Variants in HOXB2 observed in about 807,000 individuals in gnomAD.
The protein encoded by HOXB2 is homeobox B2.
In HOXB2, 14 loss-of-function variants were observed where a neutral mutation model predicts 13.1. The ratio of observed to expected loss-of-function variants is 1.07; its 90% CI spans 0.71 to 1.67. The LOEUF is 1.67. Ranked by LOEUF, HOXB2 falls within the 40% of genes most tolerant of loss-of-function variation. The pLI, the probability that HOXB2 is intolerant of heterozygous loss-of-function variation, is 0.00. For synonymous variants in HOXB2, 261 were observed against 233.1 expected (o/e 1.12, Z -1.09); for missense variants, 582 against 488.3 (o/e 1.19, Z -1.81).
rs372332769 is a variant in HOXB2 at position 48,543,766 on chromosome 17, C to T, written c.392-19G>A. ...AGGCCATCTGCAGGGAAAACAGGCT[C>T]GGCGTCATAGCGGGCCGTGTACTCA... On this transcript the variant is annotated intron_variant, in intron 1 of 1. Coordinates refer to ENST00000330070, the MANE Select transcript of HOXB2 (RefSeq NM_002145.4). The T allele has an allele frequency of 3.2e-6, 5 of 1,573,528 alleles. No homozygotes were observed. The African/African-American group carries it at 5.4e-5, about 17-fold the overall frequency.
chr17:48,544,935 G>GGGGGGC lies in HOXB2; in HGVS notation c.-25_-24insGCCCCC. On this transcript the variant is annotated 5_prime_UTR_variant, in exon 1 of 2. Transcript: ENST00000330070. Reference sequence around the variant, plus strand: ...ATGGCTTTCAATGGTGGGGGAGGGGGCTGCTGGGGGGGGCGTCAGGAGGGA... The same window carrying GGGGGGC: ...ATGGCTTTCAATGGTGGGGGAGGGGGGGGGGCCTGCTGGGGGGGGCGTCAGGAGGGA... 1 of 1,261,542 alleles carries GGGGGGC rather than the reference G, an allele frequency of 7.9e-7. No individual in the cohort carries two copies. The allele number at this position is 1,261,542 out of a possible 1,614,324, so 78.1% of individuals were successfully genotyped here.
At chr17:48,544,358 G>A (rs1357636051) in intron 1 of HOXB2, 163 bp downstream of exon 1, 3 of 1,409,572 alleles carry the variant, frequency 2.1e-6, no homozygotes, top group Non-Finnish European at 2.8e-6. Flanking sequence ...GCTGTTAGCG[G>A]CCAGGCCTGA....
chr17:48,544,327 GAGACAGAAAAAAAA>G, intron 1 of HOXB2, 180 bp downstream of exon 1: 1 of 1,344,202 alleles, frequency 7.4e-7, no homozygotes, highest in South Asian at 1.7e-5. Context: ...AAGAGAGAGA[GAGACAGAAAAAAAA>G]AAAGACGCTG....
rs2068527455 is a variant in HOXB2, at chr17:48,543,529, G to GCTGC, written c.606_609dup (p.His204AlafsTer123). ...GGCTCCCCATCCGGCGGCTCTCGGT[G>GCTGC]CTGCGTCTGCCGCTTGTGCTTCATG... On this transcript the variant is annotated frameshift_variant, in exon 2 of 2. Coordinates refer to ENST00000330070, the MANE Select transcript of HOXB2 (RefSeq NM_002145.4). LOFTEE classifies it low-confidence loss of function (END_TRUNC). 2 of 1,612,914 alleles carry GCTGC rather than the reference G, an allele frequency of 1.2e-6. No individual in the cohort carries two copies. Among genetic ancestry groups the GCTGC allele is most frequent in the African/African-American group, 2.7e-5 (2 of 75,040 alleles).
chr17:48,543,273 G>A lies in HOXB2; in HGVS notation c.866C>T (p.Pro289Leu). ...CCCCGAGAAGACGTCTTCTGGCAAT[G>A]GCCCGGGCTCCAGCCCGCCGGCCCC... ...LRGAGGLEPGPLPEDVFSGRQ... is the reference protein window; with the variant it reads ...LRGAGGLEPGLLPEDVFSGRQ... Residue 289 changes from proline to leucine, a missense_variant, in exon 2 of 2, where the codon CCA becomes CTA. By Grantham distance (98) the Pro-to-Leu change is moderately conservative. Transcript: ENST00000330070. 2 of 1,606,522 alleles carry A rather than the reference G, an allele frequency of 1.2e-6. No homozygotes were observed. Among genetic ancestry groups the A allele is most frequent in the South Asian group, 1.1e-5 (1 of 90,944 alleles).
intron 1 of HOXB2, chr17:48,544,120 C>G: frequency 1.0e-6 from 1 of 985,386 alleles, no homozygotes. Flanking sequence ...CTCTTCCTCC[C>G]TAGCTCTGAA....
chr17:48,545,101 A>C lies in HOXB2; in HGVS notation c.-190T>G. ...TGCTGATAAATACAAGCGTATGGGGACTCTCTCTATTAAACCCAGGACTCC... is the reference window on the plus strand; with the variant it reads ...TGCTGATAAATACAAGCGTATGGGGCCTCTCTCTATTAAACCCAGGACTCC... On this transcript the variant is annotated 5_prime_UTR_variant, in exon 1 of 2. Transcript: ENST00000330070. 1.9e-6 allele frequency: 1 copy of C among 512,856 alleles called. No individual in the cohort carries two copies. Among genetic ancestry groups the C allele is most frequent in the Non-Finnish European group, 3.4e-6 (1 of 297,544 alleles). 31.8% of individuals were successfully genotyped at this position (512,856 alleles called of 1,614,324 possible). A position where few individuals can be genotyped will look rare whatever the true frequency, so the allele number is the denominator to read the frequency against.
chr17:48,544,948 G>GGGGGGGGCC lies in HOXB2; in HGVS notation c.-38_-37insGGCCCCCCC. 9.5e-7 allele frequency: 1 copy of GGGGGGGGCC among 1,051,214 alleles called. No individual in the cohort carries two copies. The highest frequency in any genetic ancestry group is 1.3e-6 in the Non-Finnish European group (1 of 749,884). The allele number at this position is 1,051,214 out of a possible 1,614,324, so 65.1% of individuals were successfully genotyped here. A position where few individuals can be genotyped will look rare whatever the true frequency, so the allele number is the denominator to read the frequency against. ...GTGGGGGAGGGGGCTGCTGGGGGGG[G>GGGGGGGGCC]CGTCAGGAGGGAGGATCGGAAGGGA... On this transcript the variant is annotated 5_prime_UTR_variant, in exon 1 of 2. Transcript: ENST00000330070.
intron 1 of HOXB2, chr17:48,544,022 T>G (rs2144706011): frequency 1.9e-5 from 23 of 1,224,766 alleles, no homozygotes; most frequent in Non-Finnish European, 1.9e-5. Context: ...GAACCTCAGA[T>G]CCCCCTCCCA....
In HOXB2 at chr17:48,543,126, TC is replaced by T. The variant is rs746720698; in HGVS notation, c.1012del (p.Glu338ArgfsTer49). The T allele has an allele frequency of 6.2e-7, 1 of 1,612,654 alleles. No individual in the cohort carries two copies. The highest frequency in any genetic ancestry group is 1.3e-5 in the African/African-American group (1 of 74,756). ...GSLDSPVPFS[E>X]EELDFFTSTL... ...ACTGGTGAAAAAATCCAGCTCTTCC[TC>T]GGAAAAAGGGACCGGGCTGTCGAGA... On this transcript the variant is annotated frameshift_variant, in exon 2 of 2. Coordinates refer to ENST00000330070, the MANE Select transcript of HOXB2 (RefSeq NM_002145.4). LOFTEE classifies it high-confidence loss of function.
At chr17:48,544,477 C>T (rs774591388) in intron 1 of HOXB2, 44 bp downstream of exon 1, 2 of 1,542,536 alleles carry the variant, frequency 1.3e-6, no homozygotes, top group South Asian at 1.2e-5. Context: ...TTTTCTCCCC[C>T]TCTTCTAGCT....
chr17:48,543,905 T>G, intron 1 of HOXB2, 158 bp from the exon 2 acceptor site: 1 of 1,380,584 alleles, frequency 7.2e-7, no homozygotes, highest in East Asian at 2.8e-5. Flanking sequence ...GCTTTTGGGT[T>G]TTCTTCTCTC....
At position 48,544,686 on chromosome 17, in the gene HOXB2, G is replaced by A. The variant is rs755672028; in HGVS notation, c.226C>T (p.Pro76Ser). The change falls in exon 1 of 2, where the codon CCT becomes TCT. Residue 76 changes from proline (P) to serine (S), a missense_variant. Transcript: ENST00000330070. ...GGCGGCGGTGGCGGCGGCAGAGCAG[G>A]CCCATCTTCGGCTCGCTTTTGGCTC... ...PRSQKRAEDG[P>S]ALPPPPPPPL... is the part of the protein sequence containing the mutation. The A allele has an allele frequency of 2.5e-6, 4 of 1,613,396 alleles. No homozygotes were observed. The highest frequency in any genetic ancestry group is 2.7e-5 in the African/African-American group (2 of 74,900).
At chr17:48,543,897 T>C in intron 1 of HOXB2, 150 bp from the exon 2 acceptor site, 1 of 1,243,330 alleles carries the variant, frequency 8.0e-7, no homozygotes, top group South Asian at 1.7e-5. Context: ...GCTTTACTGC[T>C]TTTGGGTTTT....
In HOXB2 at chr17:48,544,722, G is replaced by T; in HGVS notation, c.190C>A (p.Gln64Lys). ...GCTCGCTTTTGGCTCCTGGGTCTCT[G>T]AAGGGTGGAGGCGCCGGGCTGGAGG... ...PSLQPGASTL[Q>K]RPRSQKRAED... The change falls in exon 1 of 2, where the codon CAG (glutamine) becomes AAG (lysine). Residue 64 changes from glutamine to lysine, a missense_variant. Physicochemically the swap from Gln to Lys is moderately conservative, Grantham distance 53. Transcript: ENST00000330070. 1 of 1,614,104 alleles carries T rather than the reference G, an allele frequency of 6.2e-7. No homozygotes were observed. Among genetic ancestry groups the T allele is most frequent in the Non-Finnish European group, 8.5e-7 (1 of 1,180,020 alleles).
In HOXB2 at chr17:48,544,967, GA is replaced by G; in HGVS notation, c.-57del. Reference sequence around the variant, plus strand: ...GGGGGGGCGTCAGGAGGGAGGATCGGAAGGGACCCCCCTCCTGCACCCCCCC... The same window carrying G: ...GGGGGGGCGTCAGGAGGGAGGATCGGAGGGACCCCCCTCCTGCACCCCCCC... On this transcript the variant is annotated 5_prime_UTR_variant, in exon 1 of 2. Coordinates refer to ENST00000330070, the MANE Select transcript of HOXB2 (RefSeq NM_002145.4). The G allele has an allele frequency of 8.1e-7, 1 of 1,234,080 alleles. No homozygotes were observed. Among genetic ancestry groups the G allele is most frequent in the Non-Finnish European group, 1.0e-6 (1 of 960,152 alleles). The allele number at this position is 1,234,080 out of a possible 1,614,324, so 76.4% of individuals were successfully genotyped here.
At position 48,544,229 on chromosome 17, in the gene HOXB2, C is replaced by T. The variant is rs918351385; in HGVS notation, c.391+292G>A. The T allele has an allele frequency of 8.2e-6, 11 of 1,344,640 alleles. No individual in the cohort carries two copies. In the African/African-American group the frequency reaches 1.2e-4, roughly 15 times the overall value. The allele number at this position is 1,344,640 out of a possible 1,614,324, so 83.3% of individuals were successfully genotyped here. On this transcript the variant is annotated intron_variant, in intron 1 of 1. Coordinates refer to ENST00000330070, the MANE Select transcript of HOXB2 (RefSeq NM_002145.4). Reference sequence around the variant, plus strand: ...ACATACTCATTCCCCTACACAGATACGGGTGAAAACCTCAATCAAATCATT... The same window carrying T: ...ACATACTCATTCCCCTACACAGATATGGGTGAAAACCTCAATCAAATCATT...
chr17:48,544,667 G>C lies in HOXB2; in HGVS notation c.245C>G (p.Pro82Arg), dbSNP rs761695485. The change falls in exon 1 of 2, where the codon CCG becomes CGG. Residue 82 changes from proline to arginine, a missense_variant. Physicochemically the swap from Pro to Arg is moderately radical, Grantham distance 103. Coordinates refer to ENST00000330070, the MANE Select transcript of HOXB2 (RefSeq NM_002145.4). The part of the protein sequence containing the change: ...AEDGPALPPP[P>R]PPPLPAAPPA... Reference sequence around the variant, plus strand: ...GGGGGCAGCGGGGAGTGGCGGCGGCGGTGGCGGCGGCAGAGCAGGCCCATC... The same window carrying C: ...GGGGGCAGCGGGGAGTGGCGGCGGCCGTGGCGGCGGCAGAGCAGGCCCATC... 1 of 1,611,426 alleles carries C rather than the reference G, an allele frequency of 6.2e-7. No homozygotes were observed. The highest frequency in any genetic ancestry group is 2.2e-5 in the East Asian group (1 of 44,842).
Position 48,544,980 on chromosome 17 carries a change from T to A in HOXB2, c.-69A>T. ...GAGGGAGGATCGGAAGGGACCCCCC[T>A]CCTGCACCCCCCCCGATTTATGTAA... On this transcript the variant is annotated 5_prime_UTR_variant, in exon 1 of 2. Coordinates refer to ENST00000330070, the MANE Select transcript of HOXB2 (RefSeq NM_002145.4). 1.0e-6 allele frequency: 1 copy of A among 1,000,348 alleles called. No individual in the cohort carries two copies. Among genetic ancestry groups the A allele is most frequent in the Non-Finnish European group, 1.4e-6 (1 of 729,576 alleles). The allele number at this position is 1,000,348 out of a possible 1,614,324, so 62.0% of individuals were successfully genotyped here. A position where few individuals can be genotyped will look rare whatever the true frequency, so the allele number is the denominator to read the frequency against.
Sources: gnomAD v4.1 joint callset for allele counts on GRCh38, gnomAD v4.1.1 for gene constraint, MANE v1.5 for transcripts, NCBI Gene and HGNC (gene_info 2026-07-23, HGNC 2026-07-21) for gene names.